Variants in ECE1 observed in about 807,000 individuals in gnomAD.
ECE1 encodes the protein endothelin-converting enzyme 1.
In ECE1, 35 loss-of-function variants were observed where a neutral mutation model predicts 98.6. The observed-to-expected ratio is 0.35, with a 90% CI of 0.27 to 0.47. ECE1 has a LOEUF of 0.47. Ranked by LOEUF, ECE1 falls within the 20% of genes least tolerant of loss-of-function variation. The probability of loss-of-function intolerance (pLI) is 1.00; values close to 1 mark genes in which losing one functional copy is unlikely to be tolerated. For synonymous variants in ECE1, 394 were observed against 407.1 expected (o/e 0.97, Z 0.39); for missense variants, 814 against 1,025.3 (o/e 0.79, Z 2.81).
At chr1:21,279,379 C>A (rs750932820) in intron 2 of ECE1, 47 bp from the exon 3 acceptor site, 2 of 1,613,570 alleles carry the variant, frequency 1.2e-6, no homozygotes, top group Non-Finnish European at 1.7e-6. Context: ...GAGCCCCGGG[C>A]CCCGCTTCCC....
intron 2 of ECE1, chr1:21,279,701 T>G: frequency 7.3e-7 from 1 of 1,366,402 alleles, no homozygotes; most frequent in Non-Finnish European, 9.4e-7. Flanking sequence ...CCAGCTGGGC[T>G]CTCTGCAGAG....
intron 4 of ECE1, 80 bp downstream of exon 4, chr1:21,272,619 G>A (rs1450894409): frequency 6.4e-7 from 1 of 1,560,946 alleles, no homozygotes; most frequent in African/African-American, 1.4e-5. Context: ...CCTTTAAGCA[G>A]GCGCAGCTGG....
At chr1:21,339,684 T>C (rs1639366122) in intron 1 of ECE1, among the ~76,000 whole-genome samples, 1 of 152,288 alleles carries the variant, frequency 6.6e-6, no homozygotes, top group South Asian at 2.1e-4. Context: ...CTAGCGTCTT[T>C]AGAAGGCCCA....
chr1:21,310,010 T>TC (rs137992611), intron 1 of ECE1, among the ~76,000 whole-genome samples: 30,832 of 151,984 alleles, frequency 0.2, 3,486 homozygotes, highest in Non-Finnish European at 0.26. Flanking sequence ...CAGGATGGTC[T>TC]CGATCTCCTG....
Position 21,227,977 on chromosome 1 carries a change from G to C in ECE1, c.1735C>G (p.Pro579Ala). ...YSPTKNEIVF[P>A]AGILQAPFYT... is the part of the protein sequence containing the mutation. Reference sequence around the variant, plus strand: ...AATGGTGCCTGCAGGATCCCGGCCGGAAACACAATCTCATTCTTGGTGGGC... The same window carrying C: ...AATGGTGCCTGCAGGATCCCGGCCGCAAACACAATCTCATTCTTGGTGGGC... The change falls in exon 15 of 19, where the codon CCG becomes GCG. Residue 579 changes from proline (P) to alanine (A), a missense_variant. Coordinates refer to ENST00000374893, the MANE Select transcript of ECE1 (RefSeq NM_001397.3). 6.4e-7 allele frequency: 1 copy of C among 1,562,666 alleles called. No homozygotes were observed. The highest frequency in any genetic ancestry group is 8.7e-7 in the Non-Finnish European group (1 of 1,152,190).
chr1:21,264,318 C>T (rs2982242), intron 4 of ECE1, among the ~76,000 whole-genome samples: 2 of 141,768 alleles, frequency 1.4e-5, no homozygotes, highest in African/African-American at 5.2e-5. Context: ...TTCCCCCCCC[C>T]CCTTTTTTTT....
At chr1:21,276,033 T>C (rs1364249785) in intron 3 of ECE1, among the ~76,000 whole-genome samples, 1 of 148,040 alleles carries the variant, frequency 6.8e-6, no homozygotes, top group Non-Finnish European at 1.5e-5. Flanking sequence ...GTGCTTTTTT[T>C]TTTTTTTTTT....
intron 15 of ECE1, 151 bp downstream of exon 15, chr1:21,227,780 G>GT (rs1381241840): frequency 1.6e-6 from 1 of 627,904 alleles, no homozygotes; most frequent in Non-Finnish European, 2.8e-6. Flanking sequence ...AGGAAAGTGG[G>GT]TGAGGATGTT....
In ECE1 at chr1:21,260,160, C is replaced by T. The variant is rs1169980928; in HGVS notation, c.615+111G>A. The T allele has an allele frequency of 2.0e-6, 3 of 1,489,102 alleles. No individual in the cohort carries two copies. Among genetic ancestry groups the T allele is most frequent in the Non-Finnish European group, 2.8e-6 (3 of 1,069,216 alleles). The allele number at this position is 1,489,102 out of a possible 1,614,324, so 92.2% of individuals were successfully genotyped here. A position where few individuals can be genotyped will look rare whatever the true frequency, so the allele number is the denominator to read the frequency against. ...TCTTTCTGTCTTTCTCTTGGTGCTACCGGCTGGACGTATGAGGTGGGCCAG... is the reference window on the plus strand; with the variant it reads ...TCTTTCTGTCTTTCTCTTGGTGCTATCGGCTGGACGTATGAGGTGGGCCAG... On this transcript the variant is annotated intron_variant, in intron 5 of 18. Coordinates refer to ENST00000374893, the MANE Select transcript of ECE1 (RefSeq NM_001397.3). The surrounding 1 kb of genome is among the most constrained non-coding windows in gnomAD (Gnocchi z 4.3).
At position 21,340,356 on chromosome 1, in the gene ECE1, GC is replaced by G. The variant is rs1255902975; in HGVS notation, c.3+5019del. ...CTTCACTGACTGCTCTGGGCAGCATGCCAGGGGCGTGGTTTGGGCTAGAGGA... is the reference window on the plus strand; with the variant it reads ...CTTCACTGACTGCTCTGGGCAGCATGCAGGGGCGTGGTTTGGGCTAGAGGA... On this transcript the variant is annotated intron_variant, in intron 1 of 18. Transcript: ENST00000415912. This position sits in a 1 kb window ranked among gnomAD's most constrained non-coding sequence, Gnocchi z 4.6. 6.6e-6 allele frequency among the ~76,000 whole-genome samples: 1 copy of G among 152,252 alleles called. No homozygotes were observed. The highest frequency in any genetic ancestry group is 6.5e-5 in the Admixed American group (1 of 15,288).
At chr1:21,243,703 T>C (rs976104556) in intron 10 of ECE1, among the ~76,000 whole-genome samples, 3 of 152,228 alleles carry the variant, frequency 2.0e-5, no homozygotes, top group Admixed American at 6.5e-5. Flanking sequence ...GGAGGCCAAG[T>C]TCTGCAGGGA....
At chr1:21,273,478 T>C (rs2098242925) in intron 3 of ECE1, among the ~76,000 whole-genome samples, 1 of 151,646 alleles carries the variant, frequency 6.6e-6, no homozygotes, top group Non-Finnish European at 1.5e-5. Context: ...AATGGAACAG[T>C]AGGAGAAATG....
intron 2 of ECE1, among the ~76,000 whole-genome samples, 165 bp downstream of exon 2, chr1:21,289,905 C>G (rs1180438369): frequency 7.3e-6 from 1 of 136,158 alleles, no homozygotes; most frequent in Admixed American, 8.1e-5. Flanking sequence ...CTTCTCAGCG[C>G]GGAGCTCCAG....
intron 10 of ECE1, among the ~76,000 whole-genome samples, chr1:21,240,130 C>G (rs1202401633): frequency 6.6e-6 from 1 of 152,134 alleles, no homozygotes; most frequent in Admixed American, 6.5e-5. Context: ...AAGATCAGGC[C>G]ACTGCACTCC....
intron 2 of ECE1, among the ~76,000 whole-genome samples, chr1:21,281,930 C>A (rs990152754): frequency 1.3e-5 from 2 of 152,160 alleles, no homozygotes; most frequent in African/African-American, 4.8e-5. Context: ...CTCCTAACAT[C>A]GTGATCCACC....
chr1:21,221,633 A>G, intron 18 of ECE1, 114 bp downstream of exon 18: 1 of 1,080,470 alleles, frequency 9.3e-7, no homozygotes. Context: ...TGCACAGTCC[A>G]GTGACTTGGG....
chr1:21,317,477 G>A (rs1437037975), intron 1 of ECE1, among the ~76,000 whole-genome samples: 2 of 152,218 alleles, frequency 1.3e-5, no homozygotes, highest in African/African-American at 2.4e-5. Context: ...TCCAGCCCGC[G>A]GCGACGCTGA....
intron 1 of ECE1, chr1:21,298,278 C>T (rs571889202): frequency 1.0e-4 from 17 of 166,528 alleles, no homozygotes; most frequent in East Asian, 7.9e-4. Context: ...CTTCTTTCTC[C>T]GGCTGGCTCC....
chr1:21,301,763 T>C (rs527804625), intron 1 of ECE1, among the ~76,000 whole-genome samples: 104 of 139,710 alleles, frequency 7.4e-4, no homozygotes, highest in African/African-American at 2.8e-3. Context: ...GAGGTGGAGG[T>C]TGCCGTGAGC....
Sources: allele counts gnomAD v4.1 joint callset (sites outside exome capture counted in the v4.1 genomes callset), GRCh38; gene constraint gnomAD v4.1.1; non-coding constraint Gnocchi (gnomAD v3.1); transcripts MANE v1.5; gene names NCBI Gene and HGNC (gene_info 2026-07-23, HGNC 2026-07-21).